Variants in HNRNPH1 observed in about 807,000 individuals in gnomAD.
HNRNPH1 encodes the protein heterogeneous nuclear ribonucleoprotein H.
HNRNPH1 carries 4 observed loss-of-function variants against 58.6 expected under a neutral mutation model. That is an observed-to-expected ratio of 0.07 (90% CI 0.03 to 0.16). HNRNPH1 has a LOEUF of 0.16. HNRNPH1 is among the 10% of genes least tolerant of loss of function. HNRNPH1 has a pLI of 1.00. For missense variants in HNRNPH1, 271 were observed against 564.2 expected (o/e 0.48, Z 5.26); for synonymous variants, 192 against 189.2 (o/e 1.01, Z -0.12).
At chr5:179,620,821 T>C in intron 3 of HNRNPH1, 71 bp downstream of exon 4, 2 of 1,404,750 alleles carry the variant, frequency 1.4e-6, no homozygotes, top group East Asian at 2.3e-5. Context: ...TACTCAACTT[T>C]AACGTCTATT....
chr5:179,618,535 A>C (rs1450991277), intron 4 of HNRNPH1: 4 of 421,872 alleles, frequency 9.5e-6, no homozygotes, highest in Admixed American at 4.0e-5. Context: ...AAAAAAAAAA[A>C]ACTCACTCCT....
chr5:179,621,217 G>T lies in HNRNPH1; in HGVS notation c.253+25C>A, dbSNP rs200530125. 1.9e-6 allele frequency: 3 copies of T among 1,603,698 alleles called. No individual in the cohort carries two copies. In the South Asian group the frequency reaches 3.3e-5, roughly 18 times the overall value. ...TCTATTGTTTAATGCTTTATTTACT[G>T]TAACTAGGGCAATGTAAATCAAACC... On this transcript the variant is annotated intron_variant, in intron 2 of 12. Coordinates refer to ENST00000356731, the Ensembl canonical transcript of HNRNPH1.
intron 11 of HNRNPH1, chr5:179,615,863 G>A (rs984422603): frequency 3.8e-6 from 2 of 525,762 alleles, no homozygotes; most frequent in African/African-American, 1.9e-5. Flanking sequence ...AAGCTGCAAT[G>A]ACTAGTTCTT....
In HNRNPH1 at chr5:179,615,767, T is replaced by C. The variant is rs539205798; in HGVS notation, c.1301-172A>G. 8.4e-4 allele frequency: 445 copies of C among 527,844 alleles called. 1 individual carries two copies. The highest frequency in any genetic ancestry group is 1.2e-3 in the Non-Finnish European group (357 of 292,492). 32.7% of individuals were successfully genotyped at this position (527,844 alleles called of 1,614,324 possible). Reference sequence around the variant, plus strand: ...CTCCCTCTGTCTAAAACTGACTTAATGCTAACCAAAAGACAAAAAAGTGAA... The same window carrying C: ...CTCCCTCTGTCTAAAACTGACTTAACGCTAACCAAAAGACAAAAAAGTGAA... On this transcript the variant is annotated intron_variant, in intron 11 of 12. Transcript: ENST00000356731.
chr5:179,614,839 A>G (rs554871111), exon 13 of HNRNPH1: 141 of 1,447,362 alleles, frequency 9.7e-5, no homozygotes, highest in African/African-American at 8.9e-4. Flanking sequence ...AGGATCGATC[A>G]ATTACATTCC....
chr5:179,615,082 G>T, intron 12 of HNRNPH1, 123 bp from the exon 14 acceptor site: 1 of 670,310 alleles, frequency 1.5e-6, no homozygotes, highest in Non-Finnish European at 2.7e-6. Flanking sequence ...CAAGTGGCGA[G>T]ACGCATGTTT....
intron 4 of HNRNPH1, 196 bp from the exon 6 acceptor site, chr5:179,618,519 A>T: frequency 2.4e-6 from 1 of 420,178 alleles, no homozygotes; most frequent in African/African-American, 2.1e-5. Context: ...TGTAAACTTT[A>T]TAGAAAAAAA....
At chr5:179,617,325 G>A in intron 8 of HNRNPH1, 189 bp downstream of exon 9, 2 of 737,538 alleles carry the variant, frequency 2.7e-6, no homozygotes, top group East Asian at 2.7e-5. Flanking sequence ...TTCAAGATGT[G>A]CATATCACAA....
At chr5:179,629,224 G>C (rs1373534821), upstream of HNRNPH1, 1 of 151,498 alleles carries the variant, frequency 6.6e-6, no homozygotes, top group Non-Finnish European at 1.5e-5. Flanking sequence ...TCGAACCCGG[G>C]AGGCGGAGCT....
chr5:179,617,138 A>G (rs748767869), intron 8 of HNRNPH1, 28 bp from the exon 10 acceptor site: 9 of 1,605,592 alleles, frequency 5.6e-6, no homozygotes, highest in Middle Eastern at 1.7e-4. Flanking sequence ...AAGTTTGAAA[A>G]TGTTTGTTGG....
At chr5:179,618,358 GGA>G in intron 4 of HNRNPH1, 35 bp from the exon 6 acceptor site, 1 of 1,478,910 alleles carries the variant, frequency 6.8e-7, no homozygotes, top group Non-Finnish European at 9.3e-7. Context: ...GGTAGGGAGG[GGA>G]GAGAAAACAT....
exon 1 of HNRNPH1, chr5:179,623,060 T>C: frequency 6.3e-7 from 1 of 1,588,712 alleles, no homozygotes; most frequent in Non-Finnish European, 8.6e-7. Context: ...CTGCACTTCA[T>C]CGGCCGAGCA....
chr5:179,622,399 C>T (rs1158339252), intron 1 of HNRNPH1, among the ~76,000 whole-genome samples: 1 of 152,196 alleles, frequency 6.6e-6, no homozygotes, highest in Non-Finnish European at 1.5e-5. Flanking sequence ...CCCACCTATG[C>T]CAATTTATCC....
chr5:179,620,760 GAAGAA>G, intron 3 of HNRNPH1, 127 bp downstream of exon 4: 1 of 727,598 alleles, frequency 1.4e-6, no homozygotes, highest in Non-Finnish European at 2.3e-6. Flanking sequence ...AGGTCTCTAG[GAAGAA>G]AACATTAATT....
rs953636719 is a variant in HNRNPH1, at chr5:179,616,001, C to T, written c.1300+125G>A. 3 of 790,696 alleles carry T rather than the reference C, an allele frequency of 3.8e-6. No homozygotes were observed. The African/African-American group carries it at 5.1e-5, about 14-fold the overall frequency. The allele number at this position is 790,696 out of a possible 1,614,324, so 49.0% of individuals were successfully genotyped here. A position where few individuals can be genotyped will look rare whatever the true frequency, so the allele number is the denominator to read the frequency against. On this transcript the variant is annotated intron_variant, in intron 11 of 12. Coordinates refer to ENST00000356731, the Ensembl canonical transcript of HNRNPH1. The stretch of plus-strand genomic sequence containing the variant: ...CCGAAAGGAGCCTGCATCTTCCCAA[C>T]TAAAGGCACCTGCCTGCGACTTACT...
intron 10 of HNRNPH1, chr5:179,616,534 G>C (rs933634560): frequency 9.2e-5 from 47 of 512,802 alleles, no homozygotes; most frequent in African/African-American, 8.2e-4. Flanking sequence ...CCCTCAGTTT[G>C]ATACATCAAA....
At chr5:179,621,579 G>T in intron 1 of HNRNPH1, 182 bp from the exon 3 acceptor site, 2 of 592,690 alleles carry the variant, frequency 3.4e-6, no homozygotes, top group South Asian at 2.2e-5. Flanking sequence ...TCATTCCTAA[G>T]GTGATATATT....
exon 7 of HNRNPH1, chr5:179,617,891 C>T (rs1461534520): frequency 2.5e-6 from 4 of 1,613,822 alleles, no homozygotes; most frequent in Non-Finnish European, 3.4e-6. Context: ...CCACCATCCC[C>T]GTATCTGTGA....
chr5:179,626,825 G>T (rs1469651074), upstream of HNRNPH1, among the ~76,000 whole-genome samples: 1 of 149,732 alleles, frequency 6.7e-6, no homozygotes, highest in Non-Finnish European at 1.5e-5. Context: ...GCCCAGGCTG[G>T]AGTACAATGG....
Sources: gnomAD v4.1 joint callset for allele counts (sites outside exome capture counted in the v4.1 genomes callset) on GRCh38, gnomAD v4.1.1 for gene constraint, MANE v1.5 for transcripts, NCBI Gene and HGNC (gene_info 2026-07-23, HGNC 2026-07-21) for gene names.